Variants in TSHR observed in about 807,000 individuals in gnomAD.
The protein encoded by TSHR is thyroid stimulating hormone receptor.
Under a neutral mutation model 64.1 loss-of-function variants are expected in TSHR, and 51 were observed. That is an observed-to-expected ratio of 0.80 (90% CI 0.64 to 1.01). The LOEUF is 1.01. Ranked by LOEUF, TSHR falls within the 50% of genes least tolerant of loss-of-function variation. The probability of loss-of-function intolerance (pLI) is 0.00; values close to 1 mark genes in which losing one functional copy is unlikely to be tolerated. For synonymous variants in TSHR, 361 were observed against 361.9 expected (o/e 1.00, Z 0.03); for missense variants, 877 against 942.8 (o/e 0.93, Z 0.91).
chr14:80,981,239 G>T (rs777845690), intron 1 of TSHR, among the ~76,000 whole-genome samples: 28 of 152,170 alleles, frequency 1.8e-4, no homozygotes, highest in Non-Finnish European at 3.2e-4. Flanking sequence ...ATCTCAGCTT[G>T]GGAGGTGTCT....
At chr14:80,982,726 A>C in intron 1 of TSHR, 1 of 818,040 alleles carries the variant, frequency 1.2e-6, no homozygotes, top group Non-Finnish European at 1.8e-6. Flanking sequence ...TCCTTCATAT[A>C]TTGTTTTGGC....
Position 81,087,800 on chromosome 14 carries a change from G to A in TSHR, c.318-154G>A, listed in dbSNP as rs139538872. The A allele has an allele frequency of 9.7e-4, 680 of 702,788 alleles. 4 individuals carry two copies. In the African/African-American group the frequency reaches 0.011, roughly 11 times the overall value. 43.5% of individuals were successfully genotyped at this position (702,788 alleles called of 1,614,324 possible). On this transcript the variant is annotated intron_variant, in intron 3 of 9. Coordinates refer to ENST00000298171, the MANE Select transcript of TSHR (RefSeq NM_000369.5). ...GAGACAGGAGTAGTTTGTCATTGAT[G>A]GGACCCCTGGCAGCTACAGCCCCTG...
intron 7 of TSHR, among the ~76,000 whole-genome samples, chr14:81,100,806 C>A (rs911505738): frequency 1.2e-4 from 18 of 152,192 alleles, no homozygotes; most frequent in African/African-American, 2.4e-5. Flanking sequence ...CACACCCTCC[C>A]CTCAGCTCCA....
At chr14:81,053,064 A>G (rs1443859077) in intron 1 of TSHR, 2 of 152,216 alleles carry the variant, frequency 1.3e-5, no homozygotes, top group African/African-American at 4.8e-5. Flanking sequence ...AGCCAAAGGT[A>G]TAGTATCAGT....
At chr14:81,091,204 T>C in intron 5 of TSHR, 61 bp downstream of exon 5, 1 of 1,427,022 alleles carries the variant, frequency 7.0e-7, no homozygotes, top group Non-Finnish European at 9.8e-7. Context: ...AGAACTAGAA[T>C]ACAGTCATGA....
At chr14:80,983,269 G>T in intron 1 of TSHR, 1 of 1,226,120 alleles carries the variant, frequency 8.2e-7, no homozygotes, top group Non-Finnish European at 1.1e-6. Flanking sequence ...CAGCAATCTG[G>T]ATCAAAGATA....
In TSHR at chr14:81,068,340, G is replaced by A; in HGVS notation, c.317+12G>A. On this transcript the variant is annotated intron_variant, in intron 3 of 9. Transcript: ENST00000298171. ...AAAGTGACTCACATGTAAGTACAAG[G>A]AAAAGTGCAGCATAGACCTAAGCCA... The A allele has an allele frequency of 1.2e-6, 2 of 1,611,976 alleles. No homozygotes were observed. The highest frequency in any genetic ancestry group is 1.1e-5 in the South Asian group (1 of 91,014).
intron 1 of TSHR, among the ~76,000 whole-genome samples, chr14:80,956,942 T>C (rs752207986): frequency 5.3e-5 from 8 of 152,178 alleles, no homozygotes; most frequent in Non-Finnish European, 1.0e-4. Flanking sequence ...AAAGGTGTAA[T>C]GGCCTCTTGA....
intron 2 of TSHR, among the ~76,000 whole-genome samples, chr14:81,064,625 C>A (rs565086286): frequency 6.6e-6 from 1 of 151,878 alleles, no homozygotes; most frequent in African/African-American, 2.4e-5. Context: ...GACAATGAAC[C>A]AAAAACACAA....
chr14:81,060,275 GTA>G lies in TSHR; in HGVS notation c.171-1871_171-1870del, dbSNP rs1886139294. On this transcript the variant is annotated intron_variant, in intron 1 of 9. Coordinates refer to ENST00000298171, the MANE Select transcript of TSHR (RefSeq NM_000369.5). The stretch of plus-strand genomic sequence containing the variant: ...GCCTTGGGTGATACTCAACAGGTGT[GTA>G]TCTTTTGTTTTCCTTTGGCATGGCC... 2.0e-5 allele frequency among the ~76,000 whole-genome samples: 3 copies of G among 152,062 alleles called. No individual in the cohort carries two copies. In the South Asian group the frequency reaches 6.2e-4, roughly 32 times the overall value.
intron 8 of TSHR, among the ~76,000 whole-genome samples, chr14:81,114,472 G>C (rs1489905787): frequency 2.6e-5 from 4 of 152,080 alleles, no homozygotes; most frequent in African/African-American, 9.7e-5. Flanking sequence ...CTTTTCCGAC[G>C]GGCTTAAAAA....
At chr14:81,127,439 G>A (rs1198081976) in intron 8 of TSHR, among the ~76,000 whole-genome samples, 1 of 152,188 alleles carries the variant, frequency 6.6e-6, no homozygotes, top group African/African-American at 2.4e-5. Flanking sequence ...TTGGGTGTGT[G>A]TAGGGGTTGT....
chr14:80,984,066 A>AGTGTGT (rs144663890), intron 1 of TSHR, among the ~76,000 whole-genome samples: 7 of 151,162 alleles, frequency 4.6e-5, no homozygotes, highest in African/African-American at 1.5e-4. Flanking sequence ...AGAGAGAGTG[A>AGTGTGT]GTGTGTGTGT....
At chr14:81,074,210 TGA>T (rs1244157422) in intron 3 of TSHR, among the ~76,000 whole-genome samples, 3 of 152,178 alleles carry the variant, frequency 2.0e-5, no homozygotes, top group Non-Finnish European at 2.9e-5. Flanking sequence ...CTTGAGATAT[TGA>T]GAGTCTAATA....
intron 1 of TSHR, among the ~76,000 whole-genome samples, chr14:81,034,641 A>C (rs1884529590): frequency 6.6e-6 from 1 of 152,248 alleles, no homozygotes; most frequent in African/African-American, 2.4e-5. Context: ...TTCATGTTAA[A>C]AACACATGCT....
At chr14:81,021,050 C>T (rs1883719776) in intron 1 of TSHR, among the ~76,000 whole-genome samples, 1 of 151,944 alleles carries the variant, frequency 6.6e-6, no homozygotes, top group Non-Finnish European at 1.5e-5. Context: ...CCACTGACTC[C>T]ACATTATGGT....
chr14:81,108,704 G>T (rs1443523344), intron 8 of TSHR: 2 of 1,613,540 alleles, frequency 1.2e-6, no homozygotes, highest in Admixed American at 1.7e-5. Context: ...CAGCCACCTT[G>T]GTGTACATGC....
intron 1 of TSHR, among the ~76,000 whole-genome samples, chr14:81,020,271 G>A (rs2371465): frequency 0.012 from 1,801 of 152,278 alleles, 21 homozygotes; most frequent in African/African-American, 0.016. Context: ...ATTCCTTTTA[G>A]AACAGGAGTC....
Position 81,143,921 on chromosome 14 carries a change from A to G in TSHR, c.1863A>G (p.Lys621=). Residue 621 remains lysine (K), a synonymous_variant, in exon 10 of 10, where the codon AAA becomes AAG. Transcript: ENST00000298171. ...ACAACCCAGGGGACAAAGATACCAA[A>G]ATTGCCAAGAGGATGGCTGTGTTGA... ...PQYNPGDKDT[K]IAKRMAVLIF... 6.2e-7 allele frequency: 1 copy of G among 1,614,208 alleles called. No homozygotes were observed. Among genetic ancestry groups the G allele is most frequent in the Non-Finnish European group, 8.5e-7 (1 of 1,180,034 alleles).
Sources: allele counts gnomAD v4.1 joint callset (sites outside exome capture counted in the v4.1 genomes callset), GRCh38; gene constraint gnomAD v4.1.1; transcripts MANE v1.5; gene names NCBI Gene and HGNC (gene_info 2026-07-23, HGNC 2026-07-21).